The following ZNF521 variants were observed in gnomAD, a reference collection of about 807,000 sequenced individuals.
The protein encoded by ZNF521 is zinc finger protein 521, also known as LYST-interacting protein 3.
A neutral mutation model predicts 105.5 loss-of-function variants in ZNF521; 14 were observed. The observed-to-expected ratio is 0.13, with a 90% CI of 0.09 to 0.21. ZNF521 has a LOEUF of 0.21. ZNF521 is among the 10% of genes least tolerant of loss of function. ZNF521 has a pLI of 1.00. For missense variants in ZNF521, 1,233 were observed against 1,629.7 expected, an observed-to-expected ratio of 0.76 and a Z score of 4.19; for synonymous variants, 635 against 606.0, an observed-to-expected ratio of 1.05 and a Z score of -0.70.
At chr18:25,145,055 G>T (rs903782417) in intron 5 of ZNF521, among the ~76,000 whole-genome samples, 16 of 152,046 alleles carry the variant, frequency 1.1e-4, no homozygotes, top group African/African-American at 3.4e-4. Flanking sequence ...CTCCAAGATC[G>T]CACCCTTTCA....
At chr18:25,116,889 G>GTA (rs1273205110) in intron 5 of ZNF521, among the ~76,000 whole-genome samples, 17 of 45,146 alleles carry the variant, frequency 3.8e-4, no homozygotes, top group East Asian at 1.1e-3. Flanking sequence ...ATATATATAC[G>GTA]TATATATATA....
chr18:25,230,593 A>AAG (rs1906468470), intron 3 of ZNF521, among the ~76,000 whole-genome samples: 1 of 139,102 alleles, frequency 7.2e-6, no homozygotes, highest in South Asian at 2.3e-4. Flanking sequence ...TTACACGTGG[A>AAG]AGAAACTGTA....
intron 5 of ZNF521, among the ~76,000 whole-genome samples, chr18:25,186,253 A>G (rs2035720366): frequency 6.6e-6 from 1 of 152,206 alleles, no homozygotes; most frequent in Non-Finnish European, 1.5e-5. Context: ...TCTGGTTATC[A>G]TATCTGAAAT....
chr18:25,230,110 C>T (rs1433073788), intron 3 of ZNF521, among the ~76,000 whole-genome samples: 1 of 152,138 alleles, frequency 6.6e-6, no homozygotes, highest in Non-Finnish European at 1.5e-5. Context: ...AAGGTTTTAA[C>T]CAGGATTCAA....
chr18:25,180,136 A>G (rs916294576), intron 5 of ZNF521, among the ~76,000 whole-genome samples: 2 of 152,250 alleles, frequency 1.3e-5, no homozygotes, highest in African/African-American at 4.8e-5. Context: ...ACAAACCCAC[A>G]ACACTTGGAA....
intron 7 of ZNF521, among the ~76,000 whole-genome samples, chr18:25,065,475 T>C (rs1242084986): frequency 1.3e-5 from 2 of 152,120 alleles, no homozygotes; most frequent in South Asian, 2.1e-4. Context: ...AGACTTGGGT[T>C]GCATCCCCAA....
At chr18:25,257,955 G>A (rs1908637488) in intron 3 of ZNF521, among the ~76,000 whole-genome samples, 1 of 152,034 alleles carries the variant, frequency 6.6e-6, no homozygotes, top group African/African-American at 2.4e-5. Flanking sequence ...GCACATGTGT[G>A]CACAAATACA....
At chr18:25,324,752 T>C (rs1913118336) in intron 2 of ZNF521, among the ~76,000 whole-genome samples, 1 of 152,134 alleles carries the variant, frequency 6.6e-6, no homozygotes, top group South Asian at 2.1e-4. Flanking sequence ...CAGAGAAAAA[T>C]GATAAAAACT....
chr18:25,304,172 C>T (rs1181072056), intron 3 of ZNF521, among the ~76,000 whole-genome samples: 1 of 152,188 alleles, frequency 6.6e-6, no homozygotes, highest in Non-Finnish European at 1.5e-5. Flanking sequence ...CACCTGAAGA[C>T]ACTTCATGAC....
Position 25,093,352 on chromosome 18 carries a change from T to A in ZNF521, c.3659-1271A>T, listed in dbSNP as rs1012384116. On this transcript the variant is annotated intron_variant, in intron 5 of 7. Coordinates refer to ENST00000361524, the MANE Select transcript of ZNF521 (RefSeq NM_015461.3). ...ATCACATTACACTTTTATATTCTCC[T>A]ATTAGCAATGATTAAAAAATGCTAC... 9.2e-5 allele frequency among the ~76,000 whole-genome samples: 14 copies of A among 152,186 alleles called. 1 individual carries two copies. Among genetic ancestry groups the A allele is most frequent in the African/African-American group, 2.2e-4 (9 of 41,454 alleles).
intron 5 of ZNF521, among the ~76,000 whole-genome samples, chr18:25,180,688 C>T (rs540843910): frequency 2.0e-5 from 3 of 152,206 alleles, no homozygotes; most frequent in African/African-American, 7.2e-5. Flanking sequence ...AGTTTACATC[C>T]TTACAGAAGA....
intron 3 of ZNF521, among the ~76,000 whole-genome samples, chr18:25,256,784 A>G (rs952095505): frequency 6.6e-6 from 1 of 151,786 alleles, no homozygotes; most frequent in Non-Finnish European, 1.5e-5. Context: ...TCAGAAATAC[A>G]AGTGTGTGTG....
intron 3 of ZNF521, among the ~76,000 whole-genome samples, chr18:25,317,130 T>C (rs1398105842): frequency 6.6e-6 from 1 of 152,084 alleles, no homozygotes; most frequent in Non-Finnish European, 1.5e-5. Flanking sequence ...GTGCTGGGAT[T>C]ACAGACATGA....
At chr18:25,122,992 T>C (rs2034471618) in intron 5 of ZNF521, among the ~76,000 whole-genome samples, 1 of 152,078 alleles carries the variant, frequency 6.6e-6, no homozygotes, top group Non-Finnish European at 1.5e-5. Flanking sequence ...TAACTTAGGA[T>C]GAGATTCTAT....
At chr18:25,161,841 A>C (rs1288389883) in intron 5 of ZNF521, among the ~76,000 whole-genome samples, 1 of 152,126 alleles carries the variant, frequency 6.6e-6, no homozygotes, top group Admixed American at 6.6e-5. Flanking sequence ...TTTTGCTACT[A>C]ATATTCTGAT....
intron 5 of ZNF521, among the ~76,000 whole-genome samples, chr18:25,094,578 T>C (rs1567959000): frequency 1.3e-5 from 2 of 151,146 alleles, no homozygotes; most frequent in African/African-American, 4.9e-5. Context: ...AAGCACGTTA[T>C]AATGTTAAAA....
intron 5 of ZNF521, among the ~76,000 whole-genome samples, chr18:25,120,778 C>G (rs1218400751): frequency 6.6e-6 from 1 of 152,078 alleles, no homozygotes; most frequent in Non-Finnish European, 1.5e-5. Flanking sequence ...AACAGATCAA[C>G]CCCTTTAGAA....
chr18:25,241,504 G>A (rs1907331376), intron 3 of ZNF521, among the ~76,000 whole-genome samples: 1 of 151,920 alleles, frequency 6.6e-6, no homozygotes, highest in Non-Finnish European at 1.5e-5. Context: ...TTTTTTAAAT[G>A]GTTAAGTATA....
At chr18:25,281,996 C>CT (rs1220067444) in intron 3 of ZNF521, among the ~76,000 whole-genome samples, 6 of 152,080 alleles carry the variant, frequency 3.9e-5, no homozygotes, top group Admixed American at 2.0e-4. Context: ...AAATAGGATC[C>CT]TGTTTTTCAG....
Sources: allele counts gnomAD v4.1 joint callset (sites outside exome capture counted in the v4.1 genomes callset), GRCh38; gene constraint gnomAD v4.1.1; transcripts MANE v1.5; gene names NCBI Gene and HGNC (gene_info 2026-07-23, HGNC 2026-07-21).